CA10: variants seen among roughly 807,000 people sequenced by gnomAD.
The protein encoded by CA10 is carbonic anhydrase-related protein 10.
Under a neutral mutation model 44.2 loss-of-function variants are expected in CA10, and 14 were observed. The observed-to-expected ratio is 0.32, with a 90% confidence interval of 0.21 to 0.50. CA10 has a LOEUF of 0.50. CA10 is among the 20% of genes least tolerant of loss of function. The probability of loss-of-function intolerance (pLI) is 0.99; values close to 1 mark genes in which losing one functional copy is unlikely to be tolerated. For synonymous variants in CA10, 159 were observed against 141.6 expected, an observed-to-expected ratio of 1.12 and a Z score of -0.87; for missense variants, 350 against 409.7, an observed-to-expected ratio of 0.85 and a Z score of 1.26.
chr17:51,889,440 C>A (rs900687158), intron 3 of CA10, among the ~76,000 whole-genome samples: 10 of 152,176 alleles, frequency 6.6e-5, no homozygotes, highest in African/African-American at 1.9e-4. Flanking sequence ...GGGAGGATCA[C>A]CCAAACCTGG....
At chr17:52,020,661 A>C (rs1051729319) in intron 2 of CA10, among the ~76,000 whole-genome samples, 11 of 152,088 alleles carry the variant, frequency 7.2e-5, no homozygotes, top group African/African-American at 2.4e-4. Context: ...CTTTTATTCA[A>C]CTTCTATTTT....
At chr17:52,015,681 T>C (rs1985945569) in intron 2 of CA10, among the ~76,000 whole-genome samples, 1 of 152,108 alleles carries the variant, frequency 6.6e-6, no homozygotes, top group African/African-American at 2.4e-5. Flanking sequence ...CTTGAGAGTC[T>C]GAAGGAAGCT....
rs1904739702 is a variant in CA10 at position 51,747,651 on chromosome 17, T to C, written c.447A>G (p.Gly149=). 1 of 1,612,956 alleles carries C rather than the reference T, an allele frequency of 6.2e-7. No individual in the cohort carries two copies. The highest frequency in any genetic ancestry group is 1.3e-5 in the African/African-American group (1 of 74,902). Residue 149 remains glycine (G), a synonymous_variant, in exon 4 of 9, where the codon GGA becomes GGG. Transcript: ENST00000451037. ...DSQGSEHLLN[G]QAFSGEVQLI... Reference sequence around the variant, plus strand: ...AACATACCTCCCCAGAGAAGGCCTGTCCATTGAGGAGGTGCTCCGACCCTT... The same window carrying C: ...AACATACCTCCCCAGAGAAGGCCTGCCCATTGAGGAGGTGCTCCGACCCTT...
At chr17:51,778,043 G>T (rs1231551381) in intron 3 of CA10, among the ~76,000 whole-genome samples, 1 of 152,158 alleles carries the variant, frequency 6.6e-6, no homozygotes, top group Non-Finnish European at 1.5e-5. Context: ...AGATAGAAAA[G>T]ATCCTTCAGG....
intron 4 of CA10, among the ~76,000 whole-genome samples, chr17:51,721,289 G>C (rs893543949): frequency 1.3e-5 from 2 of 152,132 alleles, no homozygotes; most frequent in African/African-American, 4.8e-5. Flanking sequence ...CTGAGATCAT[G>C]CCATTGCACT....
intron 2 of CA10, among the ~76,000 whole-genome samples, chr17:52,063,857 A>G (rs919802716): frequency 6.6e-6 from 1 of 152,212 alleles, no homozygotes. Context: ...AGCCCCCAAC[A>G]TTCCTACCTC....
chr17:51,672,514 C>T lies in CA10; in HGVS notation c.466-18778G>A, dbSNP rs146017024. Among the ~76,000 whole-genome samples the T allele has an allele frequency of 6.5e-3, 997 of 152,216 alleles. 10 individuals carry two copies. Among genetic ancestry groups the T allele is most frequent in the Non-Finnish European group, 9.9e-3 (676 of 68,014 alleles). On this transcript the variant is annotated intron_variant, in intron 4 of 8. Coordinates refer to ENST00000451037, the MANE Select transcript of CA10 (RefSeq NM_020178.5). ...GGTTAGGTAATAACATTTTCATCAC[C>T]CCTATTTTGCAGAGTGGTGGGGGGC...
At chr17:51,803,894 C>T (rs939555158) in intron 3 of CA10, among the ~76,000 whole-genome samples, 2 of 152,156 alleles carry the variant, frequency 1.3e-5, no homozygotes, top group Non-Finnish European at 2.9e-5. Flanking sequence ...CTTTCTTCTA[C>T]GTTGTATTTC....
At chr17:51,798,754 G>A (rs1906812785) in intron 3 of CA10, among the ~76,000 whole-genome samples, 1 of 152,248 alleles carries the variant, frequency 6.6e-6, no homozygotes, top group Non-Finnish European at 1.5e-5. Context: ...TGAAGACGCA[G>A]ACTTGGAGGG....
intron 1 of CA10, among the ~76,000 whole-genome samples, chr17:52,135,854 C>T (rs1989345919): frequency 6.6e-6 from 1 of 152,176 alleles, no homozygotes. Context: ...CCTCTCCTGG[C>T]TTCCCCATTG....
intron 2 of CA10, among the ~76,000 whole-genome samples, chr17:51,996,114 T>C (rs1285780803): frequency 1.3e-5 from 2 of 152,010 alleles, no homozygotes; most frequent in African/African-American, 4.8e-5. Flanking sequence ...AGCATTTTTG[T>C]CCTTGAGGAG....
At chr17:51,865,641 T>A (rs574947632) in intron 3 of CA10, among the ~76,000 whole-genome samples, 1 of 152,226 alleles carries the variant, frequency 6.6e-6, no homozygotes, top group Non-Finnish European at 1.5e-5. Context: ...TGTATCCCTG[T>A]GAGATAGAAG....
intron 2 of CA10, among the ~76,000 whole-genome samples, chr17:51,946,334 C>A (rs112385967): frequency 2.6e-5 from 4 of 152,102 alleles, no homozygotes; most frequent in Non-Finnish European, 5.9e-5. Context: ...TGAGGTAAGA[C>A]GTATGTTAAT....
chr17:52,105,788 A>G lies in CA10; in HGVS notation c.62-33395T>C, dbSNP rs113616482. Among the ~76,000 whole-genome samples, 542 of 152,332 alleles carry G rather than the reference A, an allele frequency of 3.6e-3. 4 individuals are homozygous for G. The highest frequency in any genetic ancestry group is 0.012 in the African/African-American group (508 of 41,580). ...GGATTAGCATTTTATGTGTGTGTGT[A>G]TATGAGACATAGTGACTCATCTCCA... On this transcript the variant is annotated intron_variant, in intron 1 of 8. Transcript: ENST00000451037.
At chr17:52,059,587 G>A (rs1175370710) in intron 2 of CA10, among the ~76,000 whole-genome samples, 1 of 151,898 alleles carries the variant, frequency 6.6e-6, no homozygotes, top group Non-Finnish European at 1.5e-5. Flanking sequence ...CAAGTTAACA[G>A]GTGCAGCCCA....
chr17:51,882,153 A>G (rs1980406553), intron 3 of CA10, among the ~76,000 whole-genome samples: 1 of 152,114 alleles, frequency 6.6e-6, no homozygotes, highest in African/African-American at 2.4e-5. Context: ...GGCTAAAAAG[A>G]AAGAAAAGTT....
intron 4 of CA10, among the ~76,000 whole-genome samples, chr17:51,728,430 G>A (rs552925941): frequency 6.6e-6 from 1 of 152,194 alleles, no homozygotes; most frequent in East Asian, 1.9e-4. Context: ...ACAATTAGTT[G>A]TCATCTCTAT....
intron 3 of CA10, among the ~76,000 whole-genome samples, chr17:51,849,231 GTGTATATA>G (rs1349978321): frequency 2.7e-3 from 150 of 55,862 alleles, no homozygotes; most frequent in African/African-American, 4.1e-3. Flanking sequence ...ATATATGTGT[GTGTATATA>G]TATATATATA....
chr17:52,137,388 TG>T (rs1266443688), intron 1 of CA10, among the ~76,000 whole-genome samples: 1 of 152,256 alleles, frequency 6.6e-6, no homozygotes, highest in East Asian at 1.9e-4. Context: ...TATTGACTAC[TG>T]TTAGATATTC....
Sources: gnomAD v4.1 joint callset for allele counts (sites outside exome capture counted in the v4.1 genomes callset) on GRCh38, gnomAD v4.1.1 for gene constraint, MANE v1.5 for transcripts, NCBI Gene and HGNC (gene_info 2026-07-23, HGNC 2026-07-21) for gene names.